The following DPH6 variants were observed in gnomAD, a reference collection of about 807,000 sequenced individuals.
DPH6 encodes the protein diphthamine biosynthesis 6.
A neutral mutation model predicts 38.2 loss-of-function variants in DPH6; 33 were observed. The observed-to-expected ratio is 0.86, with a 90% CI of 0.65 to 1.15. The LOEUF (loss-of-function observed/expected upper bound fraction) is 1.15, where lower values mean the gene tolerates loss of function less well. DPH6 is among the 50% of genes most tolerant of loss of function. DPH6 has a pLI of 0.00. For missense variants in DPH6, 325 were observed against 320.0 expected (o/e 1.02, Z -0.12); for synonymous variants, 108 against 103.0 (o/e 1.05, Z -0.30).
downstream of DPH6, among the ~76,000 whole-genome samples, chr15:35,326,988 G>C (rs1439752340): frequency 6.6e-6 from 1 of 152,064 alleles, no homozygotes; most frequent in Non-Finnish European, 1.5e-5. Flanking sequence ...GTGGGAGTGT[G>C]GCATTCATAG....
the DPH6 span, among the ~76,000 whole-genome samples, chr15:35,203,663 T>C: frequency 6.6e-6 from 1 of 151,796 alleles, no homozygotes; most frequent in African/African-American, 2.4e-5. Context: ...ATTTTAGCTA[T>C]TAAAATTATG....
downstream of DPH6, among the ~76,000 whole-genome samples, chr15:35,370,626 A>G (rs2052703027): frequency 6.6e-6 from 1 of 151,780 alleles, no homozygotes; most frequent in Non-Finnish European, 1.5e-5. Flanking sequence ...AACTAAAACA[A>G]CAATGAGAGA....
the DPH6 span, among the ~76,000 whole-genome samples, chr15:35,164,889 C>CCA: frequency 6.6e-6 from 1 of 151,804 alleles, no homozygotes; most frequent in Non-Finnish European, 1.5e-5. Flanking sequence ...TATGTTAATG[C>CCA]CACTATAGGT....
Position 35,322,949 on chromosome 15 carries a change from TA to T in DPH6, n.200+50571del, listed in dbSNP as rs201537982. On this transcript the variant is annotated intron_variant and non_coding_transcript_variant, in intron 3 of 3. Coordinates refer to the DPH6 transcript ENST00000560386. Reference sequence around the variant, plus strand: ...GGTTATACCTACTTGATTGAAGGAATAAAAAAAAAGGAAAACTCTCTTCAGT... The same window carrying T: ...GGTTATACCTACTTGATTGAAGGAATAAAAAAAAGGAAAACTCTCTTCAGT... Among the ~76,000 whole-genome samples the T allele has an allele frequency of 3.8e-3, 572 of 150,442 alleles. 2 individuals carry two copies. The highest frequency in any genetic ancestry group is 5.9e-3 in the Non-Finnish European group (395 of 67,460).
At chr15:35,408,865 A>G (rs2140990787) in intron 6 of DPH6, among the ~76,000 whole-genome samples, 1 of 152,158 alleles carries the variant, frequency 6.6e-6, no homozygotes, top group Middle Eastern at 3.4e-3. Flanking sequence ...AGTACTGACA[A>G]TGAATACAGA....
intron 3 of DPH6, among the ~76,000 whole-genome samples, chr15:35,281,603 C>T (rs897664831): frequency 6.6e-5 from 10 of 152,124 alleles, no homozygotes; most frequent in African/African-American, 2.4e-4. Context: ...TCCATTATTC[C>T]ATCCAAAACA....
At chr15:35,366,118 A>G, downstream of DPH6, 1 of 720,486 alleles carries the variant, frequency 1.4e-6, no homozygotes, top group Non-Finnish European at 1.7e-6. Flanking sequence ...GTGGCAGCAT[A>G]CCTCCATGGA....
intron 3 of DPH6, among the ~76,000 whole-genome samples, chr15:35,352,044 G>A (rs1188593378): frequency 6.6e-6 from 1 of 152,010 alleles, no homozygotes; most frequent in Non-Finnish European, 1.5e-5. Context: ...TCTATATTAT[G>A]TTTAAATTGA....
intron 3 of DPH6, among the ~76,000 whole-genome samples, chr15:35,233,477 A>T (rs561492488): frequency 1.3e-5 from 2 of 152,232 alleles, no homozygotes; most frequent in African/African-American, 2.4e-5. Context: ...AGAATAAGAA[A>T]AAATTAAGGT....
At chr15:35,478,057 C>T (rs2054282680) in intron 3 of DPH6, among the ~76,000 whole-genome samples, 1 of 151,832 alleles carries the variant, frequency 6.6e-6, no homozygotes, top group South Asian at 2.1e-4. Context: ...CATGCCCAGC[C>T]TAAGGGCTGT....
Position 35,410,844 on chromosome 15 carries a change from A to AT in DPH6, c.557dup (p.Tyr186Ter). The change falls in exon 6 of 9, where the codon TAT becomes TAAT. Residue 186 changes from tyrosine to a stop codon, truncating the protein, a stop_gained and frameshift_variant. Transcript: ENST00000256538. LOFTEE classifies it high-confidence loss of function. Reference sequence around the variant, plus strand: ...TAGTATAAATTCTTACCTCTATGAGATAAGGCTCCATTTGATCCAGGGTTT... The same window carrying AT: ...TAGTATAAATTCTTACCTCTATGAGATTAAGGCTCCATTTGATCCAGGGTTT... ...LGKTLDQMEPYLIELSKKYGV... is the reference protein window; with the variant it reads ...LGKTLDQMEP 1 of 1,602,092 alleles carries AT rather than the reference A, an allele frequency of 6.2e-7. No homozygotes were observed. Among genetic ancestry groups the AT allele is most frequent in the Non-Finnish European group, 8.5e-7 (1 of 1,174,212 alleles).
At chr15:35,414,340 T>C (rs62002907) in intron 5 of DPH6, among the ~76,000 whole-genome samples, 35,972 of 151,570 alleles carry the variant, frequency 0.24, 4,393 homozygotes, top group South Asian at 0.37. Flanking sequence ...ATGATGTCAG[T>C]ATGATAGTGG....
chr15:35,382,162 G>A (rs1233707906), intron 6 of DPH6, among the ~76,000 whole-genome samples: 2 of 152,274 alleles, frequency 1.3e-5, no homozygotes, highest in South Asian at 2.1e-4. Flanking sequence ...GAGGCCAGGC[G>A]CGTTGGCTCA....
intron 3 of DPH6, among the ~76,000 whole-genome samples, chr15:35,305,911 G>T (rs529676055): frequency 2.0e-5 from 3 of 152,214 alleles, no homozygotes; most frequent in Admixed American, 1.3e-4. Context: ...TGTATTGCTG[G>T]AACACTAAGG....
the DPH6 span, among the ~76,000 whole-genome samples, chr15:35,173,448 T>C: frequency 1.3e-5 from 2 of 152,212 alleles, no homozygotes; most frequent in African/African-American, 4.8e-5. Context: ...TATGCTGCTT[T>C]GATGTCTGCA....
rs563044153 is a variant in DPH6, at chr15:35,336,905, C to T, written n.208-5828G>A. Among the ~76,000 whole-genome samples the T allele has an allele frequency of 2.0e-5, 3 of 152,090 alleles. No individual in the cohort carries two copies. The East Asian group carries it at 5.8e-4, about 29-fold the overall frequency. On this transcript the variant is annotated intron_variant and non_coding_transcript_variant, in intron 3 of 3. Transcript: ENST00000558973. Reference sequence around the variant, plus strand: ...TCATCAAGGATATTGGTCTAAAATTCTCTTTTTTGGTTGTGTCTCTGCCTG... The same window carrying T: ...TCATCAAGGATATTGGTCTAAAATTTTCTTTTTTGGTTGTGTCTCTGCCTG...
At chr15:35,295,823 G>T (rs1011558582) in intron 3 of DPH6, among the ~76,000 whole-genome samples, 14 of 152,068 alleles carry the variant, frequency 9.2e-5, no homozygotes, top group African/African-American at 3.4e-4. Flanking sequence ...ATGAAGTCAG[G>T]TAAATATTGT....
At chr15:35,537,059 T>C (rs2055180745) in intron 3 of DPH6, among the ~76,000 whole-genome samples, 1 of 152,134 alleles carries the variant, frequency 6.6e-6, no homozygotes, top group Non-Finnish European at 1.5e-5. Context: ...TAAAATAAAA[T>C]GTTCTGACAT....
chr15:35,349,800 T>C (rs2052494375), intron 3 of DPH6, among the ~76,000 whole-genome samples: 1 of 152,196 alleles, frequency 6.6e-6, no homozygotes, highest in African/African-American at 2.4e-5. Context: ...TATTGAACCA[T>C]CTTCTTGCAT....
Sources: gnomAD v4.1 joint callset for allele counts (sites outside exome capture counted in the v4.1 genomes callset) on GRCh38, gnomAD v4.1.1 for gene constraint, MANE v1.5 for transcripts, NCBI Gene and HGNC (gene_info 2026-07-23, HGNC 2026-07-21) for gene names.